MCOLN2: variants seen among roughly 807,000 people sequenced by gnomAD.
The protein encoded by MCOLN2 is mucolipin TRP cation channel 2.
Under a neutral mutation model 67.5 loss-of-function variants are expected in MCOLN2, and 57 were observed. The observed-to-expected ratio is 0.84, with a 90% CI of 0.68 to 1.05. The LOEUF (loss-of-function observed/expected upper bound fraction) is 1.05, where lower values mean the gene tolerates loss of function less well. MCOLN2 is among the 50% of genes least tolerant of loss of function. The pLI, the probability that MCOLN2 is intolerant of heterozygous loss-of-function variation, is 0.00. For missense variants in MCOLN2, 620 were observed against 678.8 expected (o/e 0.91, Z 0.96); for synonymous variants, 246 against 233.3 (o/e 1.05, Z -0.50).
At chr1:84,936,503 T>C (rs1647438867) in intron 11 of MCOLN2, among the ~76,000 whole-genome samples, 1 of 152,150 alleles carries the variant, frequency 6.6e-6, no homozygotes, top group African/African-American at 2.4e-5. Flanking sequence ...GTTCTCCAAA[T>C]CAGAGAGATC....
intron 11 of MCOLN2, among the ~76,000 whole-genome samples, chr1:84,936,668 A>G (rs1010889169): frequency 4.6e-5 from 7 of 152,204 alleles, no homozygotes; most frequent in Non-Finnish European, 1.0e-4. Context: ...CTCTCTAGAC[A>G]TATTAAATGT....
chr1:84,944,255 C>A (rs1439458986), intron 7 of MCOLN2, among the ~76,000 whole-genome samples: 2 of 152,116 alleles, frequency 1.3e-5, no homozygotes, highest in Non-Finnish European at 2.9e-5. Flanking sequence ...AACATCTTGG[C>A]CAGGCGCGGT....
At chr1:84,934,598 A>G (rs1373088826) in intron 11 of MCOLN2, among the ~76,000 whole-genome samples, 2 of 152,198 alleles carry the variant, frequency 1.3e-5, no homozygotes, top group Non-Finnish European at 2.9e-5. Context: ...ACTTTGACCC[A>G]TGGCATCAGT....
intron 1 of MCOLN2, among the ~76,000 whole-genome samples, chr1:84,973,737 A>G (rs768115513): frequency 9.9e-5 from 15 of 152,210 alleles, no homozygotes; most frequent in Non-Finnish European, 2.2e-4. Context: ...AAGGTGGAGC[A>G]AGATGGCAGA....
intron 1 of MCOLN2, among the ~76,000 whole-genome samples, chr1:84,976,283 A>G (rs1366399538): frequency 8.0e-6 from 1 of 125,692 alleles, no homozygotes; most frequent in East Asian, 2.7e-4. Context: ...GGATCCTAAA[A>G]GCAGCAAGAT....
chr1:84,927,965 G>A (rs1166954585), intron 13 of MCOLN2, among the ~76,000 whole-genome samples: 1 of 152,058 alleles, frequency 6.6e-6, no homozygotes, highest in African/African-American at 2.4e-5. Context: ...AATTTTAGAT[G>A]GAGTCAAAGC....
At chr1:84,936,581 T>C (rs1304341738) in intron 11 of MCOLN2, among the ~76,000 whole-genome samples, 1 of 152,198 alleles carries the variant, frequency 6.6e-6, no homozygotes, top group Non-Finnish European at 1.5e-5. Flanking sequence ...AAGAGCAATA[T>C]TATCAAGATT....
chr1:84,931,602 AG>A, intron 11 of MCOLN2, 34 bp from the exon 12 acceptor site: 1 of 1,561,778 alleles, frequency 6.4e-7, no homozygotes, highest in Non-Finnish European at 8.8e-7. Context: ...TTTCTGAAAT[AG>A]AGTATTCTAA....
intron 11 of MCOLN2, 195 bp downstream of exon 11, chr1:84,937,560 T>C: frequency 7.4e-7 from 1 of 1,353,626 alleles, no homozygotes; most frequent in Non-Finnish European, 9.5e-7. Flanking sequence ...ATTGTACAGT[T>C]CTTGTTTCAA....
At chr1:84,935,389 C>T (rs1208671146) in intron 11 of MCOLN2, among the ~76,000 whole-genome samples, 1 of 152,140 alleles carries the variant, frequency 6.6e-6, no homozygotes, top group African/African-American at 2.4e-5. Flanking sequence ...TCCCCTCCTC[C>T]AGGGGTATAA....
chr1:84,936,836 C>T (rs529868683), intron 11 of MCOLN2, among the ~76,000 whole-genome samples: 70 of 152,304 alleles, frequency 4.6e-4, no homozygotes, highest in African/African-American at 1.5e-3. Context: ...TAAGGCTGAA[C>T]TGGTATACAA....
chr1:84,996,858 AGGCTGCC>A lies in MCOLN2; in HGVS notation c.8_14del (p.Arg3LeufsTer19). ...GAATCCTTGCCTGGGGAAAACGATAAGGCTGCCGGGCCATGCCTCCTCCTTCAAAACT... is the reference window on the plus strand; with the variant it reads ...GAATCCTTGCCTGGGGAAAACGATAAGGGCCATGCCTCCTCCTTCAAAACT... On this transcript the variant is annotated frameshift_variant, in exon 1 of 14. Transcript: ENST00000370608. LOFTEE classifies it high-confidence loss of function. 6.2e-7 allele frequency: 1 copy of A among 1,614,084 alleles called. No homozygotes were observed. The highest frequency in any genetic ancestry group is 8.5e-7 in the Non-Finnish European group (1 of 1,179,994).
intron 11 of MCOLN2, among the ~76,000 whole-genome samples, chr1:84,933,991 T>C (rs2102804266): frequency 6.6e-6 from 1 of 152,188 alleles, no homozygotes; most frequent in East Asian, 1.9e-4. Flanking sequence ...CCAGAGTCTA[T>C]TTCAGTGGCC....
chr1:84,947,997 G>C (rs1648208171), intron 6 of MCOLN2, among the ~76,000 whole-genome samples: 1 of 152,226 alleles, frequency 6.6e-6, no homozygotes. Context: ...CAGCTGGCTG[G>C]TGTGCTGTGC....
Position 84,937,887 on chromosome 1 carries a change from A to T in MCOLN2, c.1213-10T>A, listed in dbSNP as rs139499028. 1.5e-3 allele frequency: 2,364 copies of T among 1,614,142 alleles called. 30 individuals are homozygous for T. In the African/African-American group the frequency reaches 0.028, roughly 19 times the overall value. On this transcript the variant is annotated splice_polypyrimidine_tract_variant and intron_variant, in intron 10 of 13. Transcript: ENST00000370608. ...TTGTTAAAATCAGCACCTGAAAAAA[A>T]GAACAGAATGGGTGAAATGAAAAAG...
chr1:84,965,580 T>C lies in MCOLN2; in HGVS notation c.206A>G (p.Gln69Arg), dbSNP rs769495221. The C allele has an allele frequency of 6.2e-7, 1 of 1,614,074 alleles. No individual in the cohort carries two copies. The highest frequency in any genetic ancestry group is 1.3e-5 in the African/African-American group (1 of 75,046). The change falls in exon 2 of 14, where the codon CAG becomes CGG. Residue 69 changes from glutamine to arginine, a missense_variant. Coordinates refer to ENST00000370608, the MANE Select transcript of MCOLN2 (RefSeq NM_153259.4). ...GGTGACCATGACTATCTTCAAAATC[T>C]GCAAACCCAGTTTCCACGGAATCTG... is the stretch of plus-strand genomic sequence containing the variant. ...RRQIPWKLGLQILKIVMVTTQ... is the reference protein window; with the variant it reads ...RRQIPWKLGLRILKIVMVTTQ...
intron 4 of MCOLN2, among the ~76,000 whole-genome samples, chr1:84,956,093 T>C (rs1342364337): frequency 3.9e-5 from 6 of 152,154 alleles, no homozygotes; most frequent in Non-Finnish European, 8.8e-5. Context: ...TCTTTATGTA[T>C]ATTATTTCAT....
intron 6 of MCOLN2, among the ~76,000 whole-genome samples, chr1:84,948,403 A>C (rs78862505): frequency 0.042 from 6,450 of 152,208 alleles, 481 homozygotes; most frequent in African/African-American, 0.15. Context: ...AGCCACTATA[A>C]CCAACCAACA....
chr1:84,941,537 G>A (rs1446695480), intron 7 of MCOLN2, among the ~76,000 whole-genome samples: 2 of 152,120 alleles, frequency 1.3e-5, no homozygotes, highest in Non-Finnish European at 2.9e-5. Flanking sequence ...CAAAAACTAT[G>A]TGAGCTGCTA....
Sources: gnomAD v4.1 joint callset for allele counts (sites outside exome capture counted in the v4.1 genomes callset) on GRCh38, gnomAD v4.1.1 for gene constraint, MANE v1.5 for transcripts, NCBI Gene and HGNC (gene_info 2026-07-23, HGNC 2026-07-21) for gene names.